The following PARD3B variants were observed in gnomAD, a reference collection of about 807,000 sequenced individuals.
The protein encoded by PARD3B is partitioning defective 3 homolog B.
In PARD3B, 103 loss-of-function variants were observed where a neutral mutation model predicts 130.2. The ratio of observed to expected loss-of-function variants is 0.79; its 90% CI spans 0.67 to 0.93. PARD3B has a LOEUF of 0.93. Ranked by LOEUF, PARD3B falls within the 40% of genes least tolerant of loss-of-function variation. The pLI is 0.00. For missense variants in PARD3B, 1,609 were observed against 1,499.2 expected, an observed-to-expected ratio of 1.07 and a Z score of -1.21; for synonymous variants, 583 against 553.2, an observed-to-expected ratio of 1.05 and a Z score of -0.76.
chr2:205,036,393 AAAT>A (rs1302268291), intron 3 of PARD3B, among the ~76,000 whole-genome samples: 3 of 147,532 alleles, frequency 2.0e-5, no homozygotes, highest in East Asian at 3.9e-4. Context: ...ACTATATAAA[AAAT>A]ATACGTATAT....
Position 205,584,393 on chromosome 2 carries a change from C to A in PARD3B, c.3260+30990C>A, listed in dbSNP as rs75020329. Among the ~76,000 whole-genome samples the A allele has an allele frequency of 3.3e-5, 5 of 151,998 alleles. No homozygotes were observed. The highest frequency in any genetic ancestry group is 1.2e-4 in the African/African-American group (5 of 41,366). On this transcript the variant is annotated intron_variant, in intron 22 of 22. Coordinates refer to ENST00000406610, the MANE Select transcript of PARD3B (RefSeq NM_001302769.2). This position sits in a 1 kb window ranked among gnomAD's most constrained non-coding sequence, Gnocchi z 5.5. The stretch of plus-strand genomic sequence containing the variant: ...ACAAGAAAGTTTTAAATTATGTATG[C>A]GAGGCCGGACACGATAGCTCATGCT...
At chr2:205,255,077 C>G (rs2040020137) in intron 16 of PARD3B, among the ~76,000 whole-genome samples, 1 of 152,040 alleles carries the variant, frequency 6.6e-6, no homozygotes, top group Admixed American at 6.5e-5. Flanking sequence ...TCCCAACTCC[C>G]AGCTAGTCAC....
At chr2:204,832,280 A>G (rs550629022) in intron 2 of PARD3B, among the ~76,000 whole-genome samples, 10 of 152,066 alleles carry the variant, frequency 6.6e-5, no homozygotes, top group African/African-American at 2.4e-4. Context: ...TTCTGGACCA[A>G]CTGGATGATT....
At chr2:205,216,755 A>G (rs941713103) in intron 15 of PARD3B, among the ~76,000 whole-genome samples, 1 of 152,194 alleles carries the variant, frequency 6.6e-6, no homozygotes, top group South Asian at 2.1e-4. Flanking sequence ...ACTCTTTATC[A>G]GTTAAAATAG....
At chr2:204,581,762 G>T (rs1224379468) in intron 1 of PARD3B, among the ~76,000 whole-genome samples, 7 of 152,134 alleles carry the variant, frequency 4.6e-5, no homozygotes, top group Non-Finnish European at 1.0e-4. Context: ...CTTGCTCAAG[G>T]TTACACAGCT....
At chr2:205,500,110 T>C in intron 21 of PARD3B, 79 bp downstream of exon 21, 1 of 1,506,912 alleles carries the variant, frequency 6.6e-7, no homozygotes, top group Non-Finnish European at 9.1e-7. Context: ...GTCAAGAATG[T>C]TCTGTACATA....
chr2:205,240,815 G>T (rs978628930), intron 15 of PARD3B, among the ~76,000 whole-genome samples: 5 of 152,156 alleles, frequency 3.3e-5, no homozygotes, highest in Non-Finnish European at 7.4e-5. Context: ...TTTTCCCCCA[G>T]TGAGAATGCA....
At chr2:204,959,908 T>A (rs918065738) in intron 2 of PARD3B, among the ~76,000 whole-genome samples, 5 of 152,200 alleles carry the variant, frequency 3.3e-5, no homozygotes, top group Admixed American at 1.3e-4. Flanking sequence ...CCATGTGTTT[T>A]CCTAACTCCT....
intron 2 of PARD3B, among the ~76,000 whole-genome samples, chr2:204,914,894 G>T (rs73053150): frequency 1.3e-5 from 2 of 152,108 alleles, no homozygotes; most frequent in African/African-American, 4.8e-5. Flanking sequence ...CCAGATGCTC[G>T]TGGCCCTGCC....
At chr2:204,984,269 T>A (rs1254734788) in intron 3 of PARD3B, among the ~76,000 whole-genome samples, 4 of 152,178 alleles carry the variant, frequency 2.6e-5, no homozygotes, top group Non-Finnish European at 4.4e-5. Context: ...TCTGTAATAG[T>A]CAAGATTTTT....
chr2:204,655,579 A>G (rs2035612422), intron 1 of PARD3B, among the ~76,000 whole-genome samples: 1 of 152,166 alleles, frequency 6.6e-6, no homozygotes, highest in African/African-American at 2.4e-5. Context: ...AAGCATGTTT[A>G]TAGTGTATTA....
intron 2 of PARD3B, among the ~76,000 whole-genome samples, chr2:204,868,524 T>G (rs891496430): frequency 3.3e-5 from 5 of 152,128 alleles, no homozygotes; most frequent in African/African-American, 1.2e-4. Flanking sequence ...TTAGAAATTA[T>G]CCAGTCTTCC....
At chr2:204,955,844 A>G (rs1690190375) in intron 2 of PARD3B, among the ~76,000 whole-genome samples, 2 of 152,168 alleles carry the variant, frequency 1.3e-5, no homozygotes, top group African/African-American at 4.8e-5. Context: ...TATACCAAGG[A>G]CCCTCGTGCT....
chr2:204,984,808 G>A (rs1692989447), intron 3 of PARD3B, among the ~76,000 whole-genome samples: 1 of 152,076 alleles, frequency 6.6e-6, no homozygotes, highest in African/African-American at 2.4e-5. Context: ...TCAACTAAGA[G>A]CCCTGTGTGA....
At chr2:204,552,646 C>A (rs921685247) in intron 1 of PARD3B, among the ~76,000 whole-genome samples, 8 of 152,124 alleles carry the variant, frequency 5.3e-5, no homozygotes, top group African/African-American at 1.7e-4. Flanking sequence ...AGATTTAAAT[C>A]CTTGATCCAC....
At chr2:204,813,892 A>G (rs1334935195) in intron 2 of PARD3B, among the ~76,000 whole-genome samples, 1 of 152,068 alleles carries the variant, frequency 6.6e-6, no homozygotes, top group East Asian at 1.9e-4. Context: ...TAAGTTTTGA[A>G]ATGAAGTCAT....
intron 2 of PARD3B, among the ~76,000 whole-genome samples, chr2:204,810,800 A>G (rs913692388): frequency 1.6e-4 from 25 of 151,932 alleles, no homozygotes; most frequent in Admixed American, 1.6e-3. Context: ...TCAGGTTTTG[A>G]TATCAGGATG....
chr2:205,449,101 G>T (rs1288941809), intron 20 of PARD3B, among the ~76,000 whole-genome samples: 5 of 149,604 alleles, frequency 3.3e-5, no homozygotes, highest in African/African-American at 1.2e-4. Flanking sequence ...GGGAGGCGCA[G>T]GTTGCAGTCA....
chr2:205,042,766 T>G (rs1698480705), intron 3 of PARD3B, among the ~76,000 whole-genome samples: 1 of 152,062 alleles, frequency 6.6e-6, no homozygotes, highest in Admixed American at 6.6e-5. Context: ...CACATTTCCT[T>G]TTCTGAAAGA....
Sources: allele counts gnomAD v4.1 joint callset (sites outside exome capture counted in the v4.1 genomes callset), GRCh38; gene constraint gnomAD v4.1.1; non-coding constraint Gnocchi (gnomAD v3.1); transcripts MANE v1.5; gene names NCBI Gene and HGNC (gene_info 2026-07-23, HGNC 2026-07-21).